Variants in KCNQ5 observed in about 807,000 individuals in gnomAD.
KCNQ5 encodes potassium voltage-gated channel subfamily Q member 5, also known as potassium voltage-gated channel subfamily KQT member 5.
In KCNQ5, 30 loss-of-function variants were observed where a neutral mutation model predicts 98.2. That is an observed-to-expected ratio of 0.31 (90% CI 0.23 to 0.41). The LOEUF (loss-of-function observed/expected upper bound fraction) is 0.41. Among genes scored for constraint, KCNQ5 ranks in the 10% least tolerant of loss-of-function variants. The probability of loss-of-function intolerance (pLI) is 1.00; values close to 1 mark genes in which losing one functional copy is unlikely to be tolerated. For missense variants in KCNQ5, 835 were observed against 1,182.5 expected, an observed-to-expected ratio of 0.71 and a Z score of 4.31; for synonymous variants, 458 against 449.4, an observed-to-expected ratio of 1.02 and a Z score of -0.24.
chr6:73,186,878 G>T (rs1765383547), intron 11 of KCNQ5, among the ~76,000 whole-genome samples: 1 of 151,888 alleles, frequency 6.6e-6, no homozygotes, highest in African/African-American at 2.4e-5. Flanking sequence ...TGCCGTGTTG[G>T]TGTGCTGCAC....
chr6:73,178,197 A>T (rs577090351), intron 11 of KCNQ5, among the ~76,000 whole-genome samples: 1 of 151,974 alleles, frequency 6.6e-6, no homozygotes, highest in Non-Finnish European at 1.5e-5. Context: ...CGCCATATCA[A>T]TGCTTACAAA....
intron 1 of KCNQ5, among the ~76,000 whole-genome samples, chr6:72,682,758 G>A (rs1315265662): frequency 6.6e-6 from 1 of 152,188 alleles, no homozygotes; most frequent in African/African-American, 2.4e-5. Flanking sequence ...GGTGGGACTG[G>A]GATGGAGAGG....
At chr6:73,079,812 A>C (rs1400352217) in intron 5 of KCNQ5, among the ~76,000 whole-genome samples, 1 of 152,162 alleles carries the variant, frequency 6.6e-6, no homozygotes, top group Non-Finnish European at 1.5e-5. Flanking sequence ...AAAATCTGTG[A>C]CTCATGATGG....
intron 10 of KCNQ5, among the ~76,000 whole-genome samples, chr6:73,163,501 C>T (rs1380460762): frequency 6.6e-6 from 1 of 152,112 alleles, no homozygotes; most frequent in African/African-American, 2.4e-5. Context: ...AATCCTAACA[C>T]TTTGGGAGGT....
At chr6:73,072,516 T>C (rs1773341040) in intron 3 of KCNQ5, among the ~76,000 whole-genome samples, 1 of 152,202 alleles carries the variant, frequency 6.6e-6, no homozygotes, top group Non-Finnish European at 1.5e-5. Context: ...GAAGGCTTTT[T>C]GGTATTTCAG....
intron 2 of KCNQ5, among the ~76,000 whole-genome samples, chr6:73,025,229 T>C (rs926095053): frequency 6.6e-6 from 1 of 152,202 alleles, no homozygotes; most frequent in African/African-American, 2.4e-5. Context: ...GATGGCAATT[T>C]TACCAAAACT....
chr6:72,985,920 A>G (rs1218692461), intron 1 of KCNQ5, among the ~76,000 whole-genome samples: 1 of 152,122 alleles, frequency 6.6e-6, no homozygotes, highest in Non-Finnish European at 1.5e-5. Flanking sequence ...GCTGCCCATC[A>G]ATGGTGGATC....
chr6:73,034,704 A>G (rs916373640), intron 2 of KCNQ5, among the ~76,000 whole-genome samples: 3 of 152,232 alleles, frequency 2.0e-5, no homozygotes, highest in Non-Finnish European at 4.4e-5. Flanking sequence ...TGTATCAATT[A>G]AATTGAATCA....
At chr6:72,936,302 C>T (rs917411381) in intron 1 of KCNQ5, among the ~76,000 whole-genome samples, 3 of 152,164 alleles carry the variant, frequency 2.0e-5, no homozygotes, top group Non-Finnish European at 2.9e-5. Flanking sequence ...TTTTTACTCA[C>T]TTTTTTATTT....
At chr6:72,879,871 A>T (rs1230123525) in intron 1 of KCNQ5, among the ~76,000 whole-genome samples, 1 of 152,120 alleles carries the variant, frequency 6.6e-6, no homozygotes, top group Non-Finnish European at 1.5e-5. Flanking sequence ...TAATACCAAG[A>T]TCAATATATG....
rs183417790 is a variant in KCNQ5 at position 72,632,722 on chromosome 6, C to T, written c.398+10135C>T. Among the ~76,000 whole-genome samples, 323 of 152,244 alleles carry T rather than the reference C, an allele frequency of 2.1e-3. 2 individuals are homozygous for T. The highest frequency in any genetic ancestry group is 7.3e-3 in the African/African-American group (303 of 41,556). ...TACATTAATTCACTTAGGATTATCG[C>T]TTCCAGCTACATCCATGTTGCGGCA... is the stretch of plus-strand genomic sequence containing the variant. On this transcript the variant is annotated intron_variant, in intron 1 of 13. Transcript: ENST00000370398.
At chr6:72,894,616 GTTGA>G (rs1430495941) in intron 1 of KCNQ5, among the ~76,000 whole-genome samples, 8 of 152,116 alleles carry the variant, frequency 5.3e-5, no homozygotes, top group African/African-American at 1.9e-4. Context: ...CTGGGATAAG[GTTGA>G]TTATTTTTAT....
At chr6:72,890,438 T>C (rs2150182157) in intron 1 of KCNQ5, among the ~76,000 whole-genome samples, 1 of 152,316 alleles carries the variant, frequency 6.6e-6, no homozygotes, top group South Asian at 2.1e-4. Flanking sequence ...TTTTCATTTC[T>C]GTGGCAACTC....
At chr6:72,662,641 T>C (rs12212419) in intron 1 of KCNQ5, among the ~76,000 whole-genome samples, 26,265 of 151,974 alleles carry the variant, frequency 0.17, 2,369 homozygotes, top group Middle Eastern at 0.27. Context: ...ATATTTTTCT[T>C]TTCCCTTTAG....
At chr6:72,970,649 G>A (rs1411968069) in intron 1 of KCNQ5, among the ~76,000 whole-genome samples, 3 of 152,088 alleles carry the variant, frequency 2.0e-5, no homozygotes, top group African/African-American at 4.8e-5. Context: ...CCAAAACAGA[G>A]ATATAGACTA....
At chr6:72,893,578 T>G (rs1779140220) in intron 1 of KCNQ5, among the ~76,000 whole-genome samples, 2 of 152,190 alleles carry the variant, frequency 1.3e-5, no homozygotes, top group Non-Finnish European at 2.9e-5. Context: ...TGTACTGTTT[T>G]CTTTCCTTGG....
At chr6:73,143,719 G>A (rs1041824053) in intron 10 of KCNQ5, among the ~76,000 whole-genome samples, 2 of 152,146 alleles carry the variant, frequency 1.3e-5, no homozygotes, top group East Asian at 1.9e-4. Context: ...GGGAGGAGGC[G>A]TGACAACTGT....
intron 2 of KCNQ5, among the ~76,000 whole-genome samples, chr6:73,025,623 C>CAAAA (rs58607159): frequency 1.9e-5 from 1 of 53,018 alleles, no homozygotes; most frequent in African/African-American, 4.1e-5. Context: ...AACTCCATCT[C>CAAAA]AAAAAAAAAA....
At chr6:73,180,821 C>T (rs1046758531) in intron 11 of KCNQ5, among the ~76,000 whole-genome samples, 3 of 152,196 alleles carry the variant, frequency 2.0e-5, no homozygotes, top group Non-Finnish European at 4.4e-5. Context: ...GTCAATCAAA[C>T]TGCCTCTTCA....
Sources: gnomAD v4.1 joint callset for allele counts (sites outside exome capture counted in the v4.1 genomes callset) on GRCh38, gnomAD v4.1.1 for gene constraint, MANE v1.5 for transcripts, NCBI Gene and HGNC (gene_info 2026-07-23, HGNC 2026-07-21) for gene names.